PDE10A: variants seen among roughly 807,000 people sequenced by gnomAD.
The protein encoded by PDE10A is cAMP and cAMP-inhibited cGMP 3',5'-cyclic phosphodiesterase 10A.
PDE10A carries 39 observed loss-of-function variants against 97.7 expected under a neutral mutation model. The observed-to-expected ratio is 0.40, with a 90% CI of 0.31 to 0.52. The LOEUF is 0.52. Ranked by LOEUF, PDE10A falls within the 20% of genes least tolerant of loss-of-function variation. The pLI, the probability that PDE10A is intolerant of heterozygous loss-of-function variation, is 0.56. For synonymous variants in PDE10A, 371 were observed against 376.8 expected (o/e 0.98, Z 0.18); for missense variants, 731 against 1,047.8 (o/e 0.70, Z 4.17).
At chr6:165,777,253 A>G (rs1397916066) in intron 1 of PDE10A, among the ~76,000 whole-genome samples, 2 of 152,220 alleles carry the variant, frequency 1.3e-5, no homozygotes, top group Non-Finnish European at 2.9e-5. Flanking sequence ...GGTGGCAAGA[A>G]TGCTTCTTTT....
intron 18 of PDE10A, among the ~76,000 whole-genome samples, chr6:165,350,172 G>A (rs920478101): frequency 1.3e-5 from 2 of 152,226 alleles, no homozygotes; most frequent in African/African-American, 2.4e-5. Flanking sequence ...CTCAATGCCA[G>A]CCCATGCAAG....
At chr6:165,433,266 T>C in intron 6 of PDE10A, 137 bp from the exon 7 acceptor site, 1 of 593,004 alleles carries the variant, frequency 1.7e-6, no homozygotes, top group Non-Finnish European at 2.9e-6. Context: ...TAAATGATGA[T>C]AGCCACCATA....
intron 1 of PDE10A, among the ~76,000 whole-genome samples, chr6:165,803,181 T>C (rs1779027406): frequency 6.6e-6 from 1 of 152,208 alleles, no homozygotes; most frequent in South Asian, 2.1e-4. Context: ...ACCAGATAAG[T>C]CATCTCTGAA....
intron 1 of PDE10A, among the ~76,000 whole-genome samples, chr6:165,804,785 C>G (rs867096776): frequency 6.7e-6 from 1 of 150,026 alleles, no homozygotes; most frequent in African/African-American, 2.5e-5. Flanking sequence ...GACTGGGCGA[C>G]GGCCCCGGGG....
At chr6:165,749,279 T>TCATATCACCATCACCACCATCACATC (rs1562717307) in intron 1 of PDE10A, among the ~76,000 whole-genome samples, 1 of 32,384 alleles carries the variant, frequency 3.1e-5, no homozygotes, top group East Asian at 8.9e-4. Context: ...TCATCACCAT[T>TCATATCACCATCACCACCATCACATC]ACCATCATCA....
intron 5 of PDE10A, among the ~76,000 whole-genome samples, chr6:165,441,570 A>G (rs1483938114): frequency 6.6e-6 from 1 of 152,230 alleles, no homozygotes; most frequent in African/African-American, 2.4e-5. Flanking sequence ...GAACTCACAC[A>G]ATCTAACTCC....
At chr6:165,524,310 C>T (rs1479349662) in intron 2 of PDE10A, among the ~76,000 whole-genome samples, 1 of 152,090 alleles carries the variant, frequency 6.6e-6, no homozygotes, top group East Asian at 1.9e-4. Context: ...GAAGTTCTTT[C>T]GTTGGTTTTG....
At chr6:165,628,358 C>CT (rs35599354) in intron 1 of PDE10A, among the ~76,000 whole-genome samples, 78,562 of 150,218 alleles carry the variant, frequency 0.52, 21,846 homozygotes, top group East Asian at 0.73. Context: ...TTTCTTTTCT[C>CT]TTTTTTTTTC....
At chr6:165,811,703 G>T (rs983313862) in intron 1 of PDE10A, among the ~76,000 whole-genome samples, 1 of 152,284 alleles carries the variant, frequency 6.6e-6, no homozygotes, top group East Asian at 1.9e-4. Context: ...AGGCCGGGAG[G>T]GGGGCTCTGT....
chr6:165,475,839 C>T (rs1284234362), intron 3 of PDE10A, among the ~76,000 whole-genome samples: 1 of 152,122 alleles, frequency 6.6e-6, no homozygotes, highest in African/African-American at 2.4e-5. Flanking sequence ...AAAAGGAAAA[C>T]AAGATAATGA....
chr6:165,568,630 C>T (rs1784908681), intron 1 of PDE10A, among the ~76,000 whole-genome samples: 1 of 152,078 alleles, frequency 6.6e-6, no homozygotes, highest in Admixed American at 6.5e-5. Context: ...TCAAGTCACC[C>T]TTATTTTACT....
At chr6:165,713,661 T>C (rs1459218787) in intron 1 of PDE10A, among the ~76,000 whole-genome samples, 1 of 152,180 alleles carries the variant, frequency 6.6e-6, no homozygotes, top group African/African-American at 2.4e-5. Flanking sequence ...CGATGCTTTC[T>C]AAAAAATGTT....
chr6:165,763,835 A>G (rs1793309684), intron 1 of PDE10A, among the ~76,000 whole-genome samples: 1 of 152,244 alleles, frequency 6.6e-6, no homozygotes, highest in African/African-American at 2.4e-5. Flanking sequence ...TTTTGTACAG[A>G]GTAATTGCTA....
Position 165,392,724 on chromosome 6 carries a change from G to A in PDE10A, c.2376C>T (p.Asn792=), listed in dbSNP as rs1262607368. 6.2e-6 allele frequency: 10 copies of A among 1,613,666 alleles called. No individual in the cohort carries two copies. Among genetic ancestry groups the A allele is most frequent in the Non-Finnish European group, 8.5e-6 (10 of 1,179,724 alleles). The change falls in exon 16 of 22, where the codon AAC becomes AAT. Residue 792 remains asparagine (N), a synonymous_variant. Transcript: ENST00000539869. ...KKNYRRVPYH[N]WKHAVTVAHC... ...GTGCTACAGTGACCGCATGCTTCCA[G>A]TTGTGATAAGGAACCCGCCGATAGT...
intron 1 of PDE10A, among the ~76,000 whole-genome samples, chr6:165,839,271 A>G (rs1324724425): frequency 6.6e-6 from 1 of 152,242 alleles, no homozygotes; most frequent in Non-Finnish European, 1.5e-5. Context: ...TCAAAGAATT[A>G]TAATCACTAC....
intron 2 of PDE10A, among the ~76,000 whole-genome samples, chr6:165,512,443 T>TA (rs908870057): frequency 5.3e-5 from 8 of 151,630 alleles, no homozygotes; most frequent in Middle Eastern, 3.4e-3. Flanking sequence ...TGACAAGTTT[T>TA]AAAAAAAAAT....
intron 1 of PDE10A, among the ~76,000 whole-genome samples, chr6:165,555,568 A>T (rs1027966639): frequency 1.3e-5 from 2 of 152,204 alleles, no homozygotes; most frequent in Non-Finnish European, 2.9e-5. Context: ...AGAAAAGACC[A>T]TGCTACTGTT....
intron 1 of PDE10A, among the ~76,000 whole-genome samples, chr6:165,619,687 G>C (rs866579775): frequency 1.4e-4 from 21 of 149,202 alleles, no homozygotes; most frequent in Admixed American, 1.1e-3. Context: ...GTCTAGTGTA[G>C]TGTAGTGTAG....
intron 1 of PDE10A, among the ~76,000 whole-genome samples, chr6:165,922,974 C>A (rs912389017): frequency 1.3e-5 from 2 of 152,170 alleles, no homozygotes; most frequent in Admixed American, 6.5e-5. Flanking sequence ...TACCTCCAAG[C>A]CCTGAGATTA....
Sources: allele counts gnomAD v4.1 joint callset (sites outside exome capture counted in the v4.1 genomes callset), GRCh38; gene constraint gnomAD v4.1.1; transcripts MANE v1.5; gene names NCBI Gene and HGNC (gene_info 2026-07-23, HGNC 2026-07-21).